The following RAB7A variants were observed in gnomAD, a reference collection of about 807,000 sequenced individuals.
The protein encoded by RAB7A is RAB7A, member RAS oncogene family, also known as ras-related protein Rab-7a.
RAB7A carries 2 observed loss-of-function variants against 24.5 expected under a neutral mutation model. That is an observed-to-expected ratio of 0.08 (90% CI 0.03 to 0.26). The LOEUF (loss-of-function observed/expected upper bound fraction) is 0.26, where lower values mean the gene tolerates loss of function less well. RAB7A is among the 10% of genes least tolerant of loss of function. The pLI is 1.00. For synonymous variants in RAB7A, 100 were observed against 95.9 expected (o/e 1.04, Z -0.25); for missense variants, 118 against 255.7 (o/e 0.46, Z 3.67).
chr3:128,797,807 C>T, intron 2 of RAB7A, 136 bp from the exon 3 acceptor site: 1 of 939,774 alleles, frequency 1.1e-6, no homozygotes, highest in Non-Finnish European at 1.7e-6. Flanking sequence ...CGGAAGGCTA[C>T]TGGCATTGCC....
At chr3:128,801,550 T>C (rs1249014317) in intron 3 of RAB7A, among the ~76,000 whole-genome samples, 1 of 68,532 alleles carries the variant, frequency 1.5e-5, no homozygotes, top group Non-Finnish European at 3.3e-5. Context: ...ACAGTTAACA[T>C]TGATAGGGGG....
chr3:128,800,490 G>C (rs1487736945), intron 3 of RAB7A, among the ~76,000 whole-genome samples: 1 of 152,162 alleles, frequency 6.6e-6, no homozygotes, highest in African/African-American at 2.4e-5. Context: ...CTGCACTCTT[G>C]AAGTAAACCC....
At chr3:128,735,140 T>C (rs1274951781) in intron 1 of RAB7A, among the ~76,000 whole-genome samples, 2 of 152,198 alleles carry the variant, frequency 1.3e-5, no homozygotes, top group African/African-American at 4.8e-5. Context: ...GGAATAATTG[T>C]AAATACAGGG....
At chr3:128,765,065 C>T (rs538199256) in intron 1 of RAB7A, 44 of 1,079,788 alleles carry the variant, frequency 4.1e-5, no homozygotes, top group Admixed American at 5.8e-5. Flanking sequence ...GGCGCTGGAG[C>T]GGCGGCGGGG....
intron 1 of RAB7A, among the ~76,000 whole-genome samples, chr3:128,747,535 G>A (rs147152339): frequency 0.024 from 3,670 of 150,292 alleles, 103 homozygotes; most frequent in Admixed American, 0.05. Flanking sequence ...GCAGTGAGCC[G>A]AGATCACGCC....
At chr3:128,776,277 T>C (rs74702980) in intron 1 of RAB7A, among the ~76,000 whole-genome samples, 1 of 152,162 alleles carries the variant, frequency 6.6e-6, no homozygotes, top group African/African-American at 2.4e-5. Context: ...GGTTTTTTTT[T>C]TCTTTTTTTA....
chr3:128,795,523 G>C, intron 2 of RAB7A, 103 bp downstream of exon 2: 1 of 1,046,470 alleles, frequency 9.6e-7, no homozygotes, highest in Non-Finnish European at 1.5e-6. Flanking sequence ...TTCATAGTGA[G>C]GCTTAGGGCC....
chr3:128,807,770 T>G, intron 5 of RAB7A, 99 bp downstream of exon 5: 1 of 1,540,034 alleles, frequency 6.5e-7, no homozygotes, highest in Non-Finnish European at 8.9e-7. Context: ...CCTAACCCAC[T>G]CTTTTCTGTA....
chr3:128,751,498 C>T (rs945967022), intron 1 of RAB7A, among the ~76,000 whole-genome samples: 2 of 152,152 alleles, frequency 1.3e-5, no homozygotes, highest in African/African-American at 2.4e-5. Context: ...TTGGATGGGG[C>T]CTGTAGCCTC....
At chr3:128,726,959 C>A (rs1291812488) in intron 1 of RAB7A, among the ~76,000 whole-genome samples, 1 of 152,224 alleles carries the variant, frequency 6.6e-6, no homozygotes, top group African/African-American at 2.4e-5. Flanking sequence ...GCTTTTTGTC[C>A]TAGGCATGTT....
At chr3:128,732,836 G>C (rs961464855) in intron 1 of RAB7A, among the ~76,000 whole-genome samples, 2 of 152,192 alleles carry the variant, frequency 1.3e-5, no homozygotes, top group Non-Finnish European at 2.9e-5. Context: ...CAAGAAAAAA[G>C]AAATTGAACT....
chr3:128,780,104 T>G (rs1017399619), intron 1 of RAB7A, among the ~76,000 whole-genome samples: 4 of 152,206 alleles, frequency 2.6e-5, no homozygotes, highest in African/African-American at 9.6e-5. Flanking sequence ...GGGTCTGATA[T>G]ACATCTTAAG....
At chr3:128,794,366 C>G (rs1005880998) in intron 1 of RAB7A, among the ~76,000 whole-genome samples, 2 of 152,106 alleles carry the variant, frequency 1.3e-5, no homozygotes, top group Non-Finnish European at 2.9e-5. Context: ...TTCCCTATTC[C>G]AACAGAGAAA....
intron 1 of RAB7A, among the ~76,000 whole-genome samples, chr3:128,743,514 AT>A (rs1025040343): frequency 1.2e-4 from 19 of 152,200 alleles, no homozygotes; most frequent in Admixed American, 2.0e-4. Flanking sequence ...TGCCTGACTA[AT>A]TTTTTTTGTA....
intron 1 of RAB7A, among the ~76,000 whole-genome samples, chr3:128,728,052 G>C (rs2070397975): frequency 6.6e-6 from 1 of 152,048 alleles, no homozygotes; most frequent in Non-Finnish European, 1.5e-5. Flanking sequence ...GTAATGATAG[G>C]CACCTTTTTA....
At chr3:128,804,161 A>G (rs921539094) in intron 3 of RAB7A, among the ~76,000 whole-genome samples, 3 of 148,784 alleles carry the variant, frequency 2.0e-5, no homozygotes, top group African/African-American at 5.0e-5. Flanking sequence ...ACTTCAACTT[A>G]TAGTTACCTT....
intron 3 of RAB7A, among the ~76,000 whole-genome samples, chr3:128,803,853 C>T (rs1021385416): frequency 9.2e-5 from 14 of 152,200 alleles, no homozygotes; most frequent in East Asian, 1.9e-4. Context: ...TTGGAAAAAA[C>T]GGATAAAAAT....
intron 1 of RAB7A, among the ~76,000 whole-genome samples, chr3:128,758,526 C>T (rs1459875417): frequency 2.0e-5 from 3 of 152,160 alleles, no homozygotes; most frequent in Middle Eastern, 3.4e-3. Flanking sequence ...CCGCCCGCCT[C>T]GGCCTCCCAA....
At chr3:128,731,231 G>T (rs1231608142) in intron 1 of RAB7A, among the ~76,000 whole-genome samples, 1 of 152,180 alleles carries the variant, frequency 6.6e-6, no homozygotes, top group Non-Finnish European at 1.5e-5. Context: ...AGTTATTTGA[G>T]AGTGCATAAT....
Sources: allele counts gnomAD v4.1 joint callset (sites outside exome capture counted in the v4.1 genomes callset), GRCh38; gene constraint gnomAD v4.1.1; transcripts MANE v1.5; gene names NCBI Gene and HGNC (gene_info 2026-07-23, HGNC 2026-07-21).